GPR174: variants seen among roughly 807,000 people sequenced by gnomAD.
GPR174 encodes G protein-coupled receptor 174.
Under a neutral mutation model 16.5 loss-of-function variants are expected in GPR174, and 8 were observed. The observed-to-expected ratio is 0.48, with a 90% CI of 0.28 to 0.87. The LOEUF is 0.87. Ranked by LOEUF, GPR174 falls within the 40% of genes least tolerant of loss-of-function variation. The pLI is 0.09. For missense variants in GPR174, 214 were observed against 247.5 expected, an observed-to-expected ratio of 0.86 and a Z score of 0.91; for synonymous variants, 111 against 94.8, an observed-to-expected ratio of 1.17 and a Z score of -0.99.
chrX:79,165,584 CCTT>C (rs1311477563), intron 2 of GPR174, among the ~76,000 whole-genome samples: 11 of 111,744 alleles, frequency 9.8e-5, no homozygotes, highest in Non-Finnish European at 1.9e-4. Flanking sequence ...TATTTACCTT[CCTT>C]CTTCTTAAAA....
In GPR174 at chrX:79,171,044, G is replaced by C. The variant is rs773991498; in HGVS notation, c.37G>C (p.Asp13His). The C allele has an allele frequency of 1.7e-6, 2 of 1,206,343 alleles. No homozygotes were observed. The highest frequency in any genetic ancestry group is 2.2e-6 in the Non-Finnish European group (2 of 892,351). The stretch of plus-strand genomic sequence containing the variant: ...TTACACGTGTACCAGGCCAGATGGA[G>C]ACAATACAGATTTTCGATACTTTAT... ...ANYTCTRPDG[D>H]NTDFRYFIYA... The change falls in exon 3 of 3, where the codon GAC (aspartate) becomes CAC (histidine). Residue 13 changes from aspartate (D) to histidine (H), a missense_variant. Physicochemically the swap from Asp to His is moderately conservative, Grantham distance 81. Transcript: ENST00000645147.
intron 1 of GPR174, among the ~76,000 whole-genome samples, chrX:79,147,422 T>C (rs1295352528): frequency 9.2e-6 from 1 of 108,516 alleles, no homozygotes; most frequent in African/African-American, 3.4e-5. Context: ...CCAAAGGCCC[T>C]AATATTGTAA....
At chrX:79,159,240 C>T (rs768893211) in intron 2 of GPR174, among the ~76,000 whole-genome samples, 1 of 110,993 alleles carries the variant, frequency 9.0e-6, no homozygotes, top group Non-Finnish European at 1.9e-5. Context: ...GGTATGATGT[C>T]TAGTTAGAGA....
At chrX:79,161,738 C>T (rs1051330676) in intron 2 of GPR174, among the ~76,000 whole-genome samples, 9 of 111,569 alleles carry the variant, frequency 8.1e-5, no homozygotes, top group Non-Finnish European at 1.5e-4. Context: ...TTTTGGAGGC[C>T]AGTGTCTGTT....
At position 79,168,549 on chromosome X, in the gene GPR174, T is replaced by C. The variant is rs115281483; in HGVS notation, c.-556-1903T>C. Among the ~76,000 whole-genome samples the C allele has an allele frequency of 7.3e-3, 805 of 109,749 alleles. 7 individuals are homozygous for C. The highest frequency in any genetic ancestry group is 0.026 in the African/African-American group (772 of 30,135). The stretch of plus-strand genomic sequence containing the variant: ...CCCCAATCTCTACAAATTTTTTTTT[T>C]TGATTAGCTGTCACAGTAGTATGCA... On this transcript the variant is annotated intron_variant, in intron 2 of 2. Coordinates refer to ENST00000645147, the MANE Select transcript of GPR174 (RefSeq NM_032553.3).
In GPR174 at chrX:79,170,468, T is replaced by C. The variant is rs1431791064; in HGVS notation, c.-540T>C. ...TGCTTGCAGCTCTGCCTTTGTTTCC[T>C]ACTTTTTAGCTTTTGACCTATAGCT... is the stretch of plus-strand genomic sequence containing the variant. On this transcript the variant is annotated 5_prime_UTR_variant, in exon 3 of 3. Coordinates refer to ENST00000645147, the MANE Select transcript of GPR174 (RefSeq NM_032553.3). 1 of 110,454 alleles carries C rather than the reference T, an allele frequency of 9.1e-6. No individual in the cohort carries two copies. Among genetic ancestry groups the C allele is most frequent in the Non-Finnish European group, 1.9e-5 (1 of 52,840 alleles). The allele number at this position is 110,454 out of a possible 1,213,427, so 9.1% of individuals were successfully genotyped here.
chrX:79,163,337 G>C (rs1017839818), intron 2 of GPR174, among the ~76,000 whole-genome samples: 2 of 112,092 alleles, frequency 1.8e-5, no homozygotes, highest in Non-Finnish European at 3.8e-5. Context: ...GAGTGTTACT[G>C]ATATTATGCT....
intron 2 of GPR174, among the ~76,000 whole-genome samples, chrX:79,160,900 G>A (rs780020904): frequency 9.0e-6 from 1 of 111,241 alleles, no homozygotes; most frequent in East Asian, 2.8e-4. Flanking sequence ...AGGGCAATAG[G>A]AGTGTCTCAG....
At position 79,146,710 on chromosome X, in the gene GPR174, T is replaced by C. The variant is rs1009536445; in HGVS notation, c.-654+1493T>C. Reference sequence around the variant, plus strand: ...AATACGATGCTGAATAATGTAAAGATGAATAAACATAAAATGAGTCATAGA... The same window carrying C: ...AATACGATGCTGAATAATGTAAAGACGAATAAACATAAAATGAGTCATAGA... On this transcript the variant is annotated intron_variant, in intron 1 of 2. Coordinates refer to ENST00000645147, the MANE Select transcript of GPR174 (RefSeq NM_032553.3). Among the ~76,000 whole-genome samples the C allele has an allele frequency of 4.5e-5, 5 of 111,933 alleles. No homozygotes were observed. In the Admixed American group the frequency reaches 4.7e-4, roughly 11 times the overall value.
intron 1 of GPR174, among the ~76,000 whole-genome samples, chrX:79,146,676 G>A (rs1926505347): frequency 9.0e-6 from 1 of 111,628 alleles, no homozygotes; most frequent in South Asian, 3.8e-4. Context: ...ATTTTGTTGG[G>A]GCCAGATTAA....
In GPR174 at chrX:79,172,941, T is replaced by A. The variant is rs1921555201; in HGVS notation, c.*932T>A. On this transcript the variant is annotated 3_prime_UTR_variant, in exon 3 of 3. Transcript: ENST00000645147. ...AATGTTGACAGGTTCCTGCACTTTCTGAGCCTGTGGAAGAAGTAGTGCACT... is the reference window on the plus strand; with the variant it reads ...AATGTTGACAGGTTCCTGCACTTTCAGAGCCTGTGGAAGAAGTAGTGCACT... 1 of 112,194 alleles carries A rather than the reference T, an allele frequency of 8.9e-6. No homozygotes were observed. The highest frequency in any genetic ancestry group is 9.4e-5 in the Admixed American group (1 of 10,592). 9.2% of individuals were successfully genotyped at this position (112,194 alleles called of 1,213,427 possible).
In GPR174 at chrX:79,144,995, TC is replaced by T. The variant is rs1926461018; in HGVS notation, c.-875del. On this transcript the variant is annotated 5_prime_UTR_variant, in exon 1 of 3. Coordinates refer to ENST00000645147, the MANE Select transcript of GPR174 (RefSeq NM_032553.3). ...TTCTTTCTTTTTCTTTCTTTCTTTC[TC>T]TCTCTCTCTCTTTCTTTCTTTCTTT... The T allele has an allele frequency of 4.8e-5, 2 of 41,239 alleles. No individual in the cohort carries two copies. The highest frequency in any genetic ancestry group is 9.3e-5 in the Non-Finnish European group (2 of 21,403). The allele number at this position is 41,239 out of a possible 1,213,427, so 3.4% of individuals were successfully genotyped here.
At chrX:79,158,442 C>CT (rs1273588581) in intron 2 of GPR174, among the ~76,000 whole-genome samples, 11 of 73,961 alleles carry the variant, frequency 1.5e-4, no homozygotes, top group African/African-American at 3.8e-4. Context: ...TTCTTTCTTT[C>CT]TTTTTCTTTT....
rs766566609 is a variant in GPR174, at chrX:79,172,197, T to C, written c.*188T>C. 3 of 420,720 alleles carry C rather than the reference T, an allele frequency of 7.1e-6. No homozygotes were observed. Among genetic ancestry groups the C allele is most frequent in the Admixed American group, 4.9e-5 (1 of 20,388 alleles). 34.7% of individuals were successfully genotyped at this position (420,720 alleles called of 1,213,427 possible). On this transcript the variant is annotated 3_prime_UTR_variant, in exon 3 of 3. Coordinates refer to ENST00000645147, the MANE Select transcript of GPR174 (RefSeq NM_032553.3). ...GCATTACGATCCACGATTATTGATG[T>C]TGACATGTCCATGTAGTAATTTTTC...
chrX:79,166,411 CTTTTTTTTCTTTTCTTTTTTCTT>C (rs1921363376), intron 2 of GPR174, among the ~76,000 whole-genome samples: 2 of 78,514 alleles, frequency 2.5e-5, no homozygotes, highest in Admixed American at 3.2e-4. Flanking sequence ...TTAAAGGGAT[CTTTTTTTTCTTTTCTTTTTTCTT>C]TTTTTTTTTT....
chrX:79,149,821 G>GT (rs34575264), intron 1 of GPR174, among the ~76,000 whole-genome samples: 3,322 of 82,098 alleles, frequency 0.04, 110 homozygotes, highest in African/African-American at 0.059. Context: ...ACCTCCCTCA[G>GT]TTTTTTTTTT....
Position 79,165,660 on chromosome X carries a change from G to A in GPR174, c.-556-4792G>A, listed in dbSNP as rs748726515. 2.7e-5 allele frequency among the ~76,000 whole-genome samples: 3 copies of A among 111,354 alleles called. No individual in the cohort carries two copies. The Admixed American group carries it at 2.8e-4, about 11-fold the overall frequency. ...GTAGCCACCTATACCAACAATTCCG[G>A]CCAGAACCTGGAGTGAGGCCTTGAT... On this transcript the variant is annotated intron_variant, in intron 2 of 2. Coordinates refer to ENST00000645147, the MANE Select transcript of GPR174 (RefSeq NM_032553.3).
In GPR174 at chrX:79,144,934, C is replaced by T. The variant is rs1926455707; in HGVS notation, c.-937C>T. The T allele has an allele frequency of 9.4e-6, 1 of 106,130 alleles. No homozygotes were observed. The highest frequency in any genetic ancestry group is 1.9e-5 in the Non-Finnish European group (1 of 51,758). The allele number at this position is 106,130 out of a possible 1,213,427, so 8.7% of individuals were successfully genotyped here. A position where few individuals can be genotyped will look rare whatever the true frequency, so the allele number is the denominator to read the frequency against. ...CTTCCTTCCCTCCTTCCTCTCCTTT[C>T]CTTTTCTTTCTTTCTTTTTCTTTCT... On this transcript the variant is annotated 5_prime_UTR_variant, in exon 1 of 3. Transcript: ENST00000645147.
intron 2 of GPR174, among the ~76,000 whole-genome samples, chrX:79,167,487 G>A (rs1219067596): frequency 9.0e-6 from 1 of 110,804 alleles, no homozygotes; most frequent in Admixed American, 9.6e-5. Flanking sequence ...TGGGTGGTAG[G>A]GGCAGGGAAG....
Sources: gnomAD v4.1 joint callset for allele counts (sites outside exome capture counted in the v4.1 genomes callset) on GRCh38, gnomAD v4.1.1 for gene constraint, MANE v1.5 for transcripts, NCBI Gene and HGNC (gene_info 2026-07-23, HGNC 2026-07-21) for gene names.